The following PRDM6 variants were observed in gnomAD, a reference collection of about 807,000 sequenced individuals.
The protein encoded by PRDM6 is putative histone-lysine N-methyltransferase PRDM6.
Under a neutral mutation model 60.8 loss-of-function variants are expected in PRDM6, and 25 were observed. That is an observed-to-expected ratio of 0.41 (90% confidence interval 0.30 to 0.57). The LOEUF is 0.57. PRDM6 is among the 20% of genes least tolerant of loss of function. The pLI is 0.27. For missense variants in PRDM6, 839 were observed against 821.3 expected (o/e 1.02, Z -0.26); for synonymous variants, 407 against 357.4 (o/e 1.14, Z -1.57).
intron 6 of PRDM6, among the ~76,000 whole-genome samples, chr5:123,179,793 A>G (rs996706999): frequency 2.0e-5 from 3 of 152,334 alleles, no homozygotes; most frequent in Middle Eastern, 3.4e-3. Flanking sequence ...AGAGACAATT[A>G]TATATTTTCT....
At position 123,189,082 on chromosome 5, in the gene PRDM6, G is replaced by A. The variant is rs1437533857; in HGVS notation, c.*1881G>A. The A allele has an allele frequency of 6.6e-6, 1 of 152,168 alleles. No individual in the cohort carries two copies. Among genetic ancestry groups the A allele is most frequent in the East Asian group, 1.9e-4 (1 of 5,198 alleles). The allele number at this position is 152,168 out of a possible 1,614,324, so 9.4% of individuals were successfully genotyped here. ...AAAGTAGTAAGGAATCTATGCTGCT[G>A]TATAACAGTAGCTGATTGAAACTAT... On this transcript the variant is annotated 3_prime_UTR_variant, in exon 8 of 8. Coordinates refer to ENST00000407847, the MANE Select transcript of PRDM6 (RefSeq NM_001136239.4).
In PRDM6 at chr5:123,172,930, G is replaced by A. The variant is rs1033504647; in HGVS notation, c.1496+1822G>A. 4.6e-5 allele frequency among the ~76,000 whole-genome samples: 7 copies of A among 152,106 alleles called. No homozygotes were observed. In the East Asian group the frequency reaches 1.2e-3, roughly 25 times the overall value. On this transcript the variant is annotated intron_variant, in intron 6 of 7. Coordinates refer to ENST00000407847, the MANE Select transcript of PRDM6 (RefSeq NM_001136239.4). ...TGTGGGGCCGGGCGCAGTGGCTCAC[G>A]CCTGTAAACCCAGCACTTTGGGAGG...
Position 123,090,387 on chromosome 5 carries a change from G to A in PRDM6, c.373G>A (p.Ala125Thr). The change falls in exon 2 of 8, where the codon GCT (alanine) becomes ACT (threonine). Residue 125 changes from alanine to threonine, a missense_variant. Transcript: ENST00000407847. ...GCCGGTGTTCGCGCCTCTAGCCGCCGCTGCCGTCGCCGCCGAGCCGCTGCC... is the reference window on the plus strand; with the variant it reads ...GCCGGTGTTCGCGCCTCTAGCCGCCACTGCCGTCGCCGCCGAGCCGCTGCC... ...QLPVFAPLAA[A>T]AVAAEPLPPK... 2 of 1,462,588 alleles carry A rather than the reference G, an allele frequency of 1.4e-6. No homozygotes were observed. The highest frequency in any genetic ancestry group is 1.8e-6 in the Non-Finnish European group (2 of 1,113,268). 90.6% of individuals were successfully genotyped at this position (1,462,588 alleles called of 1,614,324 possible). A position where few individuals can be genotyped will look rare whatever the true frequency, so the allele number is the denominator to read the frequency against.
At chr5:123,089,913 G>A in intron 1 of PRDM6, 87 bp from the exon 2 acceptor site, 1 of 997,558 alleles carries the variant, frequency 1.0e-6, no homozygotes, top group Non-Finnish European at 1.4e-6. Flanking sequence ...CACCGGCTCG[G>A]GCACTTTCTC....
chr5:123,090,140 T>C lies in PRDM6; in HGVS notation c.126T>C (p.Gly42=). 7 of 1,532,752 alleles carry C rather than the reference T, an allele frequency of 4.6e-6. No individual in the cohort carries two copies. Among genetic ancestry groups the C allele is most frequent in the Non-Finnish European group, 6.1e-6 (7 of 1,139,950 alleles). The allele number at this position is 1,532,752 out of a possible 1,614,324, so 94.9% of individuals were successfully genotyped here. ...CGCTCAAGGGCAGCGGCGCCGCGGG[T>C]CTCCTGAGCGCGCCGCAGCCTCTTC... The part of the protein sequence containing the change: ...AGPLKGSGAA[G]LLSAPQPLQP... Residue 42 remains glycine (G), a synonymous_variant, in exon 2 of 8, where the codon GGT becomes GGC. Coordinates refer to ENST00000407847, the MANE Select transcript of PRDM6 (RefSeq NM_001136239.4).
At chr5:123,105,814 C>T (rs1469783954) in intron 3 of PRDM6, among the ~76,000 whole-genome samples, 1 of 152,172 alleles carries the variant, frequency 6.6e-6, no homozygotes, top group Non-Finnish European at 1.5e-5. Context: ...GTCAGAGAAG[C>T]CAGAGCAGAA....
intron 3 of PRDM6, among the ~76,000 whole-genome samples, chr5:123,105,725 C>T (rs1394391261): frequency 6.6e-6 from 1 of 152,112 alleles, no homozygotes; most frequent in African/African-American, 2.4e-5. Flanking sequence ...CGTATATACC[C>T]CAAGATTTCA....
chr5:123,134,476 G>C (rs562709227), intron 3 of PRDM6, among the ~76,000 whole-genome samples: 1 of 152,062 alleles, frequency 6.6e-6, no homozygotes, highest in South Asian at 2.1e-4. Flanking sequence ...AACCAAATAT[G>C]AATTGATATA....
At chr5:123,104,996 T>G (rs1764173588) in intron 3 of PRDM6, among the ~76,000 whole-genome samples, 1 of 151,974 alleles carries the variant, frequency 6.6e-6, no homozygotes, top group African/African-American at 2.4e-5. Flanking sequence ...AAAAAAATTA[T>G]AACAGCCATT....
At chr5:123,187,036 A>G (rs1041508063) in intron 7 of PRDM6, 51 bp from the exon 8 acceptor site, 1 of 1,352,698 alleles carries the variant, frequency 7.4e-7, no homozygotes, top group Non-Finnish European at 1.0e-6. Context: ...GAAGCCCATC[A>G]CCCTGCAGGC....
intron 6 of PRDM6, among the ~76,000 whole-genome samples, chr5:123,171,329 C>T (rs986741125): frequency 2.6e-5 from 4 of 152,066 alleles, no homozygotes; most frequent in African/African-American, 7.2e-5. Context: ...ACTTGCCTTC[C>T]GAACAGTTCT....
chr5:123,186,587 TCA>T (rs1766294233), intron 7 of PRDM6, among the ~76,000 whole-genome samples: 1 of 152,184 alleles, frequency 6.6e-6, no homozygotes, highest in Non-Finnish European at 1.5e-5. Context: ...CTACTGCCCC[TCA>T]CAGTCACTGC....
intron 3 of PRDM6, among the ~76,000 whole-genome samples, chr5:123,145,041 C>A (rs1765208208): frequency 6.6e-6 from 1 of 152,202 alleles, no homozygotes; most frequent in Admixed American, 6.5e-5. Context: ...CCTAGGGATA[C>A]CATGGCAAAC....
At chr5:123,128,182 G>C (rs1011319279) in intron 3 of PRDM6, among the ~76,000 whole-genome samples, 14 of 152,140 alleles carry the variant, frequency 9.2e-5, no homozygotes, top group African/African-American at 3.4e-4. Context: ...TGGACATTTG[G>C]GTTGGTTCCA....
At chr5:123,185,435 A>G (rs1042178073) in intron 7 of PRDM6, among the ~76,000 whole-genome samples, 25 of 149,956 alleles carry the variant, frequency 1.7e-4, no homozygotes, top group Admixed American at 5.9e-4. Context: ...CTAACGTGTC[A>G]TCAGCACTCC....
At chr5:123,184,196 C>T (rs1766230803) in intron 7 of PRDM6, among the ~76,000 whole-genome samples, 1 of 152,116 alleles carries the variant, frequency 6.6e-6, no homozygotes, top group Non-Finnish European at 1.5e-5. Flanking sequence ...CATAGAGGCA[C>T]AGAAAGCTTG....
chr5:123,149,322 C>CT (rs1333954509), intron 3 of PRDM6, among the ~76,000 whole-genome samples: 1 of 152,136 alleles, frequency 6.6e-6, no homozygotes, highest in Non-Finnish European at 1.5e-5. Flanking sequence ...GCTTTGCATC[C>CT]AGGTACATGT....
intron 5 of PRDM6, among the ~76,000 whole-genome samples, chr5:123,170,128 C>T (rs1261400023): frequency 6.6e-6 from 1 of 151,958 alleles, no homozygotes; most frequent in Non-Finnish European, 1.5e-5. Flanking sequence ...TCCTTCTGAC[C>T]CCCAATCCTT....
chr5:123,109,620 A>T (rs1354772930), intron 3 of PRDM6, among the ~76,000 whole-genome samples: 2 of 152,176 alleles, frequency 1.3e-5, no homozygotes, highest in East Asian at 3.8e-4. Flanking sequence ...TACTAAAGGG[A>T]TACCATGCAA....
Sources: allele counts gnomAD v4.1 joint callset (sites outside exome capture counted in the v4.1 genomes callset), GRCh38; gene constraint gnomAD v4.1.1; transcripts MANE v1.5; gene names NCBI Gene and HGNC (gene_info 2026-07-23, HGNC 2026-07-21).